Variants in FBXO47 observed in about 807,000 individuals in gnomAD.
The protein encoded by FBXO47 is F-box protein 47, also known as F-box only protein 47.
FBXO47 carries 34 observed loss-of-function variants against 53.9 expected under a neutral mutation model. The ratio of observed to expected loss-of-function variants is 0.63; its 90% CI spans 0.48 to 0.84. The LOEUF is 0.84. Ranked by LOEUF, FBXO47 falls within the 40% of genes least tolerant of loss-of-function variation. FBXO47 has a pLI of 0.00. For missense variants in FBXO47, 485 were observed against 541.3 expected (o/e 0.90, Z 1.03); for synonymous variants, 165 against 181.6 (o/e 0.91, Z 0.73).
At chr17:38,949,080 G>A (rs1598143262) in intron 6 of FBXO47, among the ~76,000 whole-genome samples, 2 of 151,984 alleles carry the variant, frequency 1.3e-5, no homozygotes, top group East Asian at 3.8e-4. Flanking sequence ...ATGGACATCT[G>A]AGTTGTTTCC....
At chr17:38,954,333 AT>A (rs1905449287) in intron 5 of FBXO47, among the ~76,000 whole-genome samples, 1 of 152,080 alleles carries the variant, frequency 6.6e-6, no homozygotes, top group Non-Finnish European at 1.5e-5. Flanking sequence ...ATAAAAATAA[AT>A]TAGTCAATAC....
chr17:38,937,210 G>T lies in FBXO47; in HGVS notation c.1324C>A (p.Leu442Met). The T allele has an allele frequency of 6.2e-7, 1 of 1,602,148 alleles. No individual in the cohort carries two copies. Among genetic ancestry groups the T allele is most frequent in the Non-Finnish European group, 8.5e-7 (1 of 1,170,518 alleles). The change falls in exon 11 of 11, where the codon CTG becomes ATG. Residue 442 changes from leucine (L) to methionine (M), a missense_variant. Coordinates refer to ENST00000378079, the MANE Select transcript of FBXO47 (RefSeq NM_001008777.3). ...AGAGGAGTATTCATGGTCAAATACA[G>T]GACCTCCTTATGGAAGTTAGCCTGA... ...HAQANFHKEV[L>M]YLTMNTPLST
intron 3 of FBXO47, among the ~76,000 whole-genome samples, chr17:38,960,937 ATTATAT>A (rs1905788105): frequency 6.6e-6 from 1 of 152,006 alleles, no homozygotes; most frequent in Admixed American, 6.6e-5. Flanking sequence ...CAGCCGAAAA[ATTATAT>A]TTATAATGAG....
intron 3 of FBXO47, among the ~76,000 whole-genome samples, chr17:38,957,723 A>T (rs1247222218): frequency 6.7e-6 from 1 of 149,514 alleles, no homozygotes; most frequent in African/African-American, 2.5e-5. Flanking sequence ...TTTTGAGACA[A>T]GGTCTTACTC....
At chr17:38,946,277 A>AT (rs1489202817) in intron 6 of FBXO47, among the ~76,000 whole-genome samples, 2 of 85,624 alleles carry the variant, frequency 2.3e-5, no homozygotes, top group Non-Finnish European at 4.2e-5. Context: ...TATATATAAA[A>AT]ATATATATAA....
intron 5 of FBXO47, among the ~76,000 whole-genome samples, chr17:38,954,055 G>C (rs1016529458): frequency 6.6e-6 from 1 of 152,098 alleles, no homozygotes; most frequent in Non-Finnish European, 1.5e-5. Context: ...CACTTTGGGA[G>C]GCCGAGGTGG....
rs1403855220 is a variant in FBXO47 at position 38,961,941 on chromosome 17, A to G, written c.288T>C (p.Phe96=). ...SGSKRLLLQD[F]HNLELPDRRQ... ...TCCTGTCAGGCAGCTCAAGGTTATGAAAGTCCTGTAGTAAAAGTCTTTTGC... is the reference window on the plus strand; with the variant it reads ...TCCTGTCAGGCAGCTCAAGGTTATGGAAGTCCTGTAGTAAAAGTCTTTTGC... Residue 96 remains phenylalanine (F), a synonymous_variant, in exon 3 of 11, where the codon TTT becomes TTC. Transcript: ENST00000378079. 1 of 1,614,108 alleles carries G rather than the reference A, an allele frequency of 6.2e-7. No individual in the cohort carries two copies. The highest frequency in any genetic ancestry group is 2.2e-5 in the East Asian group (1 of 44,860).
At chr17:38,964,953 G>T (rs965552116) in intron 1 of FBXO47, among the ~76,000 whole-genome samples, 18 of 152,006 alleles carry the variant, frequency 1.2e-4, no homozygotes, top group Admixed American at 5.9e-4. Context: ...AAGTAGCTGG[G>T]ATTACAGGCG....
chr17:38,942,658 A>G, intron 9 of FBXO47, 120 bp downstream of exon 9: 2 of 603,526 alleles, frequency 3.3e-6, no homozygotes, highest in Non-Finnish European at 5.6e-6. Flanking sequence ...TTAAAAATAT[A>G]TACTTCAATA....
At chr17:38,959,593 A>T (rs1905721574) in intron 3 of FBXO47, among the ~76,000 whole-genome samples, 1 of 150,850 alleles carries the variant, frequency 6.6e-6, no homozygotes, top group African/African-American at 2.4e-5. Flanking sequence ...AAAAAAAAAA[A>T]AAAAAAAAAA....
chr17:38,945,074 A>C lies in FBXO47; in HGVS notation c.679T>G (p.Trp227Gly). Residue 227 changes from tryptophan to glycine, a missense_variant, in exon 7 of 11, where the codon TGG (tryptophan) becomes GGG (glycine). Trp to Gly is a radical substitution (Grantham distance 184). Transcript: ENST00000378079. ...AAAGCAGAATCACTTCGATGTGTCCAATGATCAAGGAGGACATTCCTACAG... is the reference window on the plus strand; with the variant it reads ...AAAGCAGAATCACTTCGATGTGTCCCATGATCAAGGAGGACATTCCTACAG... ...LFCRNVLLDH[W>G]THRSDSAFWL... 6.2e-7 allele frequency: 1 copy of C among 1,613,936 alleles called. No homozygotes were observed. Among genetic ancestry groups the C allele is most frequent in the African/African-American group, 1.3e-5 (1 of 75,044 alleles).
rs970784178 is a variant in FBXO47 at position 38,939,652 on chromosome 17, C to CTTTT, written c.1084-924_1084-921dup. On this transcript the variant is annotated intron_variant, in intron 9 of 10. Coordinates refer to ENST00000378079, the MANE Select transcript of FBXO47 (RefSeq NM_001008777.3). ...AAACTGACTGAAAAGTAAAAGGTTT[C>CTTTT]TTTTTTTTTTTTTTTTTTTTTTTTT... Among the ~76,000 whole-genome samples, 23 of 91,110 alleles carry CTTTT rather than the reference C, an allele frequency of 2.5e-4. 1 individual carries two copies. Among genetic ancestry groups the CTTTT allele is most frequent in the Non-Finnish European group, 3.4e-4 (16 of 47,460 alleles). The allele number at this position is 91,110 out of a possible 152,430, so 59.8% of individuals were successfully genotyped here.
chr17:38,946,825 A>AATATATAAAT (rs1273918022), intron 6 of FBXO47, among the ~76,000 whole-genome samples: 20,516 of 78,612 alleles, frequency 0.26, 3,769 homozygotes, highest in African/African-American at 0.4. Flanking sequence ...TAAATATATA[A>AATATATAAAT]ATATATAAAT....
intron 1 of FBXO47, among the ~76,000 whole-genome samples, chr17:38,965,559 G>A (rs947132747): frequency 5.9e-5 from 9 of 151,662 alleles, no homozygotes; most frequent in African/African-American, 1.9e-4. Flanking sequence ...AAATTAGGAG[G>A]TATTTTAAAA....
rs1906176856 is a variant in FBXO47 at position 38,967,264 on chromosome 17, C to T, written c.-62G>A. 1 of 152,172 alleles carries T rather than the reference C, an allele frequency of 6.6e-6. No homozygotes were observed. The highest frequency in any genetic ancestry group is 1.5e-5 in the Non-Finnish European group (1 of 68,040). The allele number at this position is 152,172 out of a possible 1,614,324, so 9.4% of individuals were successfully genotyped here. On this transcript the variant is annotated 5_prime_UTR_variant, in exon 1 of 11. In the 5' UTR this introduces an upstream ATG that the reference lacks. Transcript: ENST00000378079. ...GACAGTTTTTCCGGCTACAGAGTCA[C>T]AGGAAAGTGGGAGTTAGTCGTTTTG... is the stretch of plus-strand genomic sequence containing the variant.
At chr17:38,937,995 T>A (rs776680041) in intron 10 of FBXO47, among the ~76,000 whole-genome samples, 8 of 152,194 alleles carry the variant, frequency 5.3e-5, no homozygotes, top group Non-Finnish European at 7.3e-5. Context: ...AACAGGAGAC[T>A]TTTTGTTAGT....
At chr17:38,949,007 T>C (rs1339369225) in intron 6 of FBXO47, among the ~76,000 whole-genome samples, 1 of 152,140 alleles carries the variant, frequency 6.6e-6, no homozygotes, top group Admixed American at 6.6e-5. Context: ...TTCTTTTTAA[T>C]GGCCAAATAA....
chr17:38,941,593 T>C (rs1375584135), intron 9 of FBXO47, among the ~76,000 whole-genome samples: 1 of 138,124 alleles, frequency 7.2e-6, no homozygotes, highest in Non-Finnish European at 1.6e-5. Context: ...CAAATTTGTG[T>C]TAAATGAATA....
At chr17:38,939,321 AAAATATATAT>A (rs1904391597) in intron 9 of FBXO47, among the ~76,000 whole-genome samples, 1 of 85,116 alleles carries the variant, frequency 1.2e-5, no homozygotes, top group Non-Finnish European at 2.4e-5. Context: ...AAAAAAAAAA[AAAATATATAT>A]ATATATATAT....
Sources: allele counts gnomAD v4.1 joint callset (sites outside exome capture counted in the v4.1 genomes callset), GRCh38; gene constraint gnomAD v4.1.1; transcripts MANE v1.5; gene names NCBI Gene and HGNC (gene_info 2026-07-23, HGNC 2026-07-21).